ADAM18: variants seen among roughly 807,000 people sequenced by gnomAD.
The protein encoded by ADAM18 is ADAM metallopeptidase domain 18, also known as disintegrin and metalloproteinase domain-containing protein 18.
In ADAM18, 117 loss-of-function variants were observed where a neutral mutation model predicts 94.4. The ratio of observed to expected loss-of-function variants is 1.24; its 90% CI spans 1.07 to 1.45. ADAM18 has a LOEUF of 1.45. Ranked by LOEUF, ADAM18 falls within the 40% of genes most tolerant of loss-of-function variation. ADAM18 has a pLI of 0.00. For synonymous variants in ADAM18, 327 were observed against 291.6 expected, an observed-to-expected ratio of 1.12 and a Z score of -1.24; for missense variants, 936 against 880.0, an observed-to-expected ratio of 1.06 and a Z score of -0.81.
chr8:39,586,638 T>TA (rs1235762302), intron 2 of ADAM18, among the ~76,000 whole-genome samples: 1 of 151,918 alleles, frequency 6.6e-6, no homozygotes, highest in Non-Finnish European at 1.5e-5. Context: ...GAGGTGGGAG[T>TA]ACCCCTTGAG....
intron 17 of ADAM18, among the ~76,000 whole-genome samples, chr8:39,700,869 C>T (rs1822047847): frequency 6.6e-6 from 1 of 151,696 alleles, no homozygotes; most frequent in Non-Finnish European, 1.5e-5. Context: ...TTGTAATGCA[C>T]TTTGGGAGGC....
intron 12 of ADAM18, among the ~76,000 whole-genome samples, chr8:39,661,150 TC>T (rs1347103871): frequency 1.5e-5 from 2 of 132,186 alleles, no homozygotes; most frequent in African/African-American, 5.6e-5. Flanking sequence ...TGTTTCTTCT[TC>T]TTCTTTTTTT....
intron 11 of ADAM18, among the ~76,000 whole-genome samples, chr8:39,647,251 A>AAG (rs33948678): frequency 5.9e-5 from 9 of 151,364 alleles, no homozygotes; most frequent in African/African-American, 2.2e-4. Context: ...AAAAAAAAAA[A>AAG]TCTGAGCAAA....
intron 16 of ADAM18, among the ~76,000 whole-genome samples, chr8:39,685,810 TTTC>T (rs1441432215): frequency 1.3e-5 from 2 of 152,200 alleles, no homozygotes; most frequent in Admixed American, 6.5e-5. Context: ...TGCTAACATA[TTTC>T]TTCTTCTGTG....
chr8:39,672,913 T>C (rs2083127352), intron 14 of ADAM18, among the ~76,000 whole-genome samples: 1 of 152,114 alleles, frequency 6.6e-6, no homozygotes, highest in Non-Finnish European at 1.5e-5. Flanking sequence ...CCTGGCCAAG[T>C]TTCAGTTTAC....
chr8:39,715,887 C>T lies in ADAM18; in HGVS notation c.2018-7861C>T, dbSNP rs75968635. Among the ~76,000 whole-genome samples the T allele has an allele frequency of 3.2e-3, 488 of 152,130 alleles. 10 individuals carry two copies. The East Asian group carries it at 0.058, about 18-fold the overall frequency. The stretch of plus-strand genomic sequence containing the variant: ...ATTTAAGTAAGAAATTACGCTAATT[C>T]TCTGCAATACCTTTGAGGAAATAGA... On this transcript the variant is annotated intron_variant, in intron 18 of 19. Transcript: ENST00000265707.
intron 6 of ADAM18, among the ~76,000 whole-genome samples, chr8:39,626,979 G>A (rs1232103727): frequency 1.3e-5 from 2 of 152,126 alleles, no homozygotes; most frequent in East Asian, 1.9e-4. Context: ...TCTGTCTAGT[G>A]CTGTCAGGGG....
intron 2 of ADAM18, among the ~76,000 whole-genome samples, chr8:39,585,877 TACTAACCTGCCTGCTAGATTAAAA>T (rs1486844265): frequency 6.6e-6 from 1 of 152,220 alleles, no homozygotes; most frequent in African/African-American, 2.4e-5. Context: ...GTTGGAAAAT[TACTAACCTGCCTGCTAGATTAAAA>T]ACTGATTAAA....
chr8:39,610,833 T>C (rs1819252689), intron 6 of ADAM18, 127 bp downstream of exon 6: 1 of 1,294,744 alleles, frequency 7.7e-7, no homozygotes, highest in Admixed American at 3.8e-5. Flanking sequence ...TTTCTACCTT[T>C]AAATAAAACA....
At chr8:39,683,397 G>T (rs1007591156) in intron 16 of ADAM18, among the ~76,000 whole-genome samples, 1 of 152,198 alleles carries the variant, frequency 6.6e-6, no homozygotes, top group Non-Finnish European at 1.5e-5. Flanking sequence ...CAGAAACTGC[G>T]ATAATATGTG....
chr8:39,646,773 G>A (rs553103667), intron 11 of ADAM18, among the ~76,000 whole-genome samples: 27 of 152,108 alleles, frequency 1.8e-4, no homozygotes, highest in African/African-American at 5.3e-4. Flanking sequence ...AGATCTCCCC[G>A]GGACTTATAT....
At chr8:39,590,504 G>A (rs1056394703) in intron 2 of ADAM18, among the ~76,000 whole-genome samples, 1 of 152,134 alleles carries the variant, frequency 6.6e-6, no homozygotes, top group Non-Finnish European at 1.5e-5. Flanking sequence ...GTTAGTGGGT[G>A]CAGCGCACCA....
chr8:39,688,513 C>T (rs1821673445), intron 16 of ADAM18, among the ~76,000 whole-genome samples: 1 of 152,150 alleles, frequency 6.6e-6, no homozygotes, highest in South Asian at 2.1e-4. Flanking sequence ...CATTAGTTTG[C>T]TAAGAATAAT....
At chr8:39,715,696 TA>T (rs1174954798) in intron 18 of ADAM18, among the ~76,000 whole-genome samples, 2 of 151,958 alleles carry the variant, frequency 1.3e-5, no homozygotes, top group Non-Finnish European at 2.9e-5. Flanking sequence ...ATAATCTTTA[TA>T]AAAAAACAAT....
chr8:39,598,772 A>G (rs1818815733), intron 2 of ADAM18, among the ~76,000 whole-genome samples: 2 of 151,680 alleles, frequency 1.3e-5, no homozygotes, highest in African/African-American at 4.8e-5. Context: ...CGTCTCAAAA[A>G]AAAAAAAAAA....
At chr8:39,683,336 A>G (rs1483484817) in intron 16 of ADAM18, among the ~76,000 whole-genome samples, 1 of 152,220 alleles carries the variant, frequency 6.6e-6, no homozygotes, top group Non-Finnish European at 1.5e-5. Flanking sequence ...AGCCTATGCA[A>G]ATATCTGAAG....
chr8:39,685,626 G>A (rs10103963), intron 16 of ADAM18, among the ~76,000 whole-genome samples: 4,855 of 152,258 alleles, frequency 0.032, 278 homozygotes, highest in African/African-American at 0.11. Context: ...TATCCTTGGT[G>A]TTCGCTCCTG....
intron 10 of ADAM18, among the ~76,000 whole-genome samples, chr8:39,642,198 T>C (rs1296296124): frequency 6.6e-6 from 1 of 152,156 alleles, no homozygotes; most frequent in African/African-American, 2.4e-5. Flanking sequence ...AAAAATTTTC[T>C]CCCATTCTGT....
At chr8:39,602,405 A>G (rs1173511818) in intron 2 of ADAM18, among the ~76,000 whole-genome samples, 2 of 151,832 alleles carry the variant, frequency 1.3e-5, no homozygotes, top group Admixed American at 1.3e-4. Context: ...GACTTGCATT[A>G]CTCTTATGAT....
Sources: gnomAD v4.1 joint callset for allele counts (sites outside exome capture counted in the v4.1 genomes callset) on GRCh38, gnomAD v4.1.1 for gene constraint, MANE v1.5 for transcripts, NCBI Gene and HGNC (gene_info 2026-07-23, HGNC 2026-07-21) for gene names.